The following C1orf21 variants were observed in gnomAD, a reference collection of about 807,000 sequenced individuals.
The protein encoded by C1orf21 is uncharacterized protein C1orf21.
Under a neutral mutation model 18.7 loss-of-function variants are expected in C1orf21, and 3 were observed. The observed-to-expected ratio is 0.16, with a 90% CI of 0.07 to 0.42. The LOEUF (loss-of-function observed/expected upper bound fraction) is 0.42. Ranked by LOEUF, C1orf21 falls within the 10% of genes least tolerant of loss-of-function variation. C1orf21 has a pLI of 0.99. For synonymous variants in C1orf21, 41 were observed against 46.4 expected (o/e 0.88, Z 0.47); for missense variants, 104 against 143.6 (o/e 0.72, Z 1.41).
intron 3 of C1orf21, chr1:184,540,076 A>G (rs1658624192): frequency 6.6e-6 from 1 of 152,212 alleles, no homozygotes; most frequent in African/African-American, 2.4e-5. Context: ...TACCTCACCT[A>G]TGGATAATGA....
chr1:184,393,955 A>C (rs958946572), intron 1 of C1orf21, among the ~76,000 whole-genome samples: 2 of 152,178 alleles, frequency 1.3e-5, no homozygotes, highest in African/African-American at 4.8e-5. Flanking sequence ...TTCATGGGAC[A>C]CATTTATGCC....
chr1:184,427,769 A>G (rs969410069), intron 1 of C1orf21, among the ~76,000 whole-genome samples: 15 of 152,132 alleles, frequency 9.9e-5, no homozygotes, highest in African/African-American at 3.6e-4. Context: ...CATCTTTGCC[A>G]TCGGCCTTGC....
In C1orf21 at chr1:184,402,424, C is replaced by T. The variant is rs185101928; in HGVS notation, c.-125+15056C>T. Among the ~76,000 whole-genome samples the T allele has an allele frequency of 3.0e-3, 451 of 152,128 alleles. 3 individuals are homozygous for T. Among genetic ancestry groups the T allele is most frequent in the Middle Eastern group, 6.8e-3 (2 of 294 alleles). ...GCACTTGAGGCCAGGAATTTGAGAC[C>T]AGCCAGGGCAATATAATGAGACCTC... On this transcript the variant is annotated intron_variant, in intron 1 of 5. Coordinates refer to ENST00000235307, the MANE Select transcript of C1orf21 (RefSeq NM_030806.4).
intron 3 of C1orf21, among the ~76,000 whole-genome samples, chr1:184,576,659 A>G (rs1041831781): frequency 6.6e-6 from 1 of 152,228 alleles, no homozygotes; most frequent in African/African-American, 2.4e-5. Flanking sequence ...GGCAATGCTC[A>G]ACTAAACAGA....
chr1:184,418,564 G>C (rs1656496924), intron 1 of C1orf21, among the ~76,000 whole-genome samples: 1 of 152,176 alleles, frequency 6.6e-6, no homozygotes, highest in Non-Finnish European at 1.5e-5. Flanking sequence ...TTAGCTGTCT[G>C]ACTTGACTTA....
chr1:184,554,300 T>A (rs1309547631), intron 3 of C1orf21, among the ~76,000 whole-genome samples: 1 of 152,208 alleles, frequency 6.6e-6, no homozygotes, highest in African/African-American at 2.4e-5. Context: ...TACTTTTTGA[T>A]ATAACCCAAG....
intron 1 of C1orf21, among the ~76,000 whole-genome samples, chr1:184,424,147 T>C (rs1656593264): frequency 6.6e-6 from 1 of 152,200 alleles, no homozygotes; most frequent in South Asian, 2.1e-4. Flanking sequence ...ACTGACATTC[T>C]CTTTTTTTGT....
At chr1:184,566,312 T>C (rs1354981577) in intron 3 of C1orf21, among the ~76,000 whole-genome samples, 1 of 152,212 alleles carries the variant, frequency 6.6e-6, no homozygotes, top group Non-Finnish European at 1.5e-5. Flanking sequence ...GCTGCCCTTT[T>C]GGTTTGCTGC....
chr1:184,390,883 A>C (rs1217156878), intron 1 of C1orf21, among the ~76,000 whole-genome samples: 4 of 152,234 alleles, frequency 2.6e-5, no homozygotes, highest in African/African-American at 9.6e-5. Context: ...AGCAGATTGC[A>C]ATAGACCAGT....
At chr1:184,416,537 G>C (rs1656454797) in intron 1 of C1orf21, among the ~76,000 whole-genome samples, 1 of 152,002 alleles carries the variant, frequency 6.6e-6, no homozygotes, top group Non-Finnish European at 1.5e-5. Flanking sequence ...AAGCAAAAAT[G>C]TCCAGCACAA....
chr1:184,442,619 A>G (rs1451479365), intron 1 of C1orf21, among the ~76,000 whole-genome samples: 2 of 152,142 alleles, frequency 1.3e-5, no homozygotes, highest in Non-Finnish European at 2.9e-5. Context: ...CTCCAATCTT[A>G]TGATCTGAGT....
intron 1 of C1orf21, among the ~76,000 whole-genome samples, chr1:184,424,885 G>A (rs1294116848): frequency 6.6e-6 from 1 of 152,180 alleles, no homozygotes; most frequent in Non-Finnish European, 1.5e-5. Context: ...ATTAGCAGAA[G>A]CATAGTATTT....
intron 1 of C1orf21, among the ~76,000 whole-genome samples, chr1:184,477,121 C>T (rs781276223): frequency 3.3e-5 from 5 of 152,060 alleles, no homozygotes; most frequent in African/African-American, 4.8e-5. Context: ...TGAATAAATA[C>T]GTATTTTTGG....
chr1:184,546,891 T>TC (rs1321063629), intron 3 of C1orf21, among the ~76,000 whole-genome samples: 1 of 152,030 alleles, frequency 6.6e-6, no homozygotes, highest in Non-Finnish European at 1.5e-5. Flanking sequence ...AGCCTCGCCA[T>TC]CCCCATACTT....
chr1:184,434,595 G>T (rs1171068680), intron 1 of C1orf21, among the ~76,000 whole-genome samples: 1 of 152,196 alleles, frequency 6.6e-6, no homozygotes, highest in East Asian at 1.9e-4. Context: ...TACAGTGCTG[G>T]GGTAGAGTGT....
At chr1:184,587,655 G>T (rs1165883753) in intron 3 of C1orf21, among the ~76,000 whole-genome samples, 10 of 127,980 alleles carry the variant, frequency 7.8e-5, no homozygotes, top group South Asian at 2.5e-4. Flanking sequence ...TTTTTGTATG[G>T]TTTTTTTTTT....
At chr1:184,408,139 A>G (rs947702713) in intron 1 of C1orf21, among the ~76,000 whole-genome samples, 1 of 152,230 alleles carries the variant, frequency 6.6e-6, no homozygotes, top group African/African-American at 2.4e-5. Context: ...TAATAACTCA[A>G]TAATACTGAG....
At position 184,564,195 on chromosome 1, in the gene C1orf21, C is replaced by T. The variant is rs1175683240; in HGVS notation, c.190-26544C>T. On this transcript the variant is annotated intron_variant, in intron 3 of 5. Coordinates refer to ENST00000235307, the MANE Select transcript of C1orf21 (RefSeq NM_030806.4). ...TAACTAGAAGTAATAATAACAACTA[C>T]TGCTTACTACTCTAGAGTTAGAATA... is the stretch of plus-strand genomic sequence containing the variant. Among the ~76,000 whole-genome samples, 4 of 152,302 alleles carry T rather than the reference C, an allele frequency of 2.6e-5. No individual in the cohort carries two copies. In the East Asian group the frequency reaches 7.7e-4, roughly 29 times the overall value.
At chr1:184,510,936 G>T (rs560925509) in intron 3 of C1orf21, among the ~76,000 whole-genome samples, 5 of 152,170 alleles carry the variant, frequency 3.3e-5, no homozygotes, top group Non-Finnish European at 7.4e-5. Context: ...TTGGCAGGGA[G>T]AGTAGAAAAG....
Sources: gnomAD v4.1 joint callset for allele counts (sites outside exome capture counted in the v4.1 genomes callset) on GRCh38, gnomAD v4.1.1 for gene constraint, MANE v1.5 for transcripts, NCBI Gene and HGNC (gene_info 2026-07-23, HGNC 2026-07-21) for gene names.